DCTN1: variants seen among roughly 807,000 people sequenced by gnomAD.
DCTN1 encodes dynactin subunit 1, also known as 150 kDa dynein-associated polypeptide.
In DCTN1, 61 loss-of-function variants were observed where a neutral mutation model predicts 161.2. That is an observed-to-expected ratio of 0.38 (90% CI 0.31 to 0.47). The LOEUF is 0.47. DCTN1 is among the 20% of genes least tolerant of loss of function. DCTN1 has a pLI of 0.99. For synonymous variants in DCTN1, 653 were observed against 632.4 expected (o/e 1.03, Z -0.49); for missense variants, 1,404 against 1,623.7 (o/e 0.86, Z 2.33).
intron 26 of DCTN1, chr2:74,364,858 C>T (rs1228600946): frequency 1.6e-6 from 1 of 612,768 alleles, no homozygotes; most frequent in African/African-American, 1.8e-5. Flanking sequence ...GCCTCATTAA[C>T]AATTTAGTAA....
chr2:74,381,113 T>C (rs1183321870), upstream of DCTN1, among the ~76,000 whole-genome samples: 1 of 152,228 alleles, frequency 6.6e-6, no homozygotes, highest in East Asian at 1.9e-4. Flanking sequence ...ATAATTAGAA[T>C]TGTTTAATTT....
intron 5 of DCTN1, among the ~76,000 whole-genome samples, chr2:74,375,599 T>A (rs1342272611): frequency 6.6e-6 from 1 of 152,138 alleles, no homozygotes; most frequent in African/African-American, 2.4e-5. Flanking sequence ...CAGAACTCCA[T>A]AAATATCAGA....
rs774244089 is a variant in DCTN1 at position 74,362,975 on chromosome 2, G to A, written c.3529+19C>T. The A allele has an allele frequency of 1.9e-6, 3 of 1,608,888 alleles. No individual in the cohort carries two copies. In the African/African-American group the frequency reaches 4.0e-5, roughly 22 times the overall value. On this transcript the variant is annotated intron_variant, in intron 29 of 31. Transcript: ENST00000628224. Reference sequence around the variant, plus strand: ...GGAGGGGGCAGTTTTATTCATCTTGGGGGTTGGCAGGTACATACCAGGGCT... The same window carrying A: ...GGAGGGGGCAGTTTTATTCATCTTGAGGGTTGGCAGGTACATACCAGGGCT...
chr2:74,388,589 T>C lies in DCTN1; in HGVS notation c.-19+3205A>G, dbSNP rs565537126. ...CTTTCCTAAAGACTCTCCTGGCTTC[T>C]CCATGTGGAGCTAATCATTCCCTCC... On this transcript the variant is annotated intron_variant, in intron 1 of 27. Transcript: ENST00000409240. Among the ~76,000 whole-genome samples, 3 of 152,310 alleles carry C rather than the reference T, an allele frequency of 2.0e-5. No individual in the cohort carries two copies. In the South Asian group the frequency reaches 6.2e-4, roughly 32 times the overall value.
At position 74,365,984 on chromosome 2, in the gene DCTN1, C is replaced by G; in HGVS notation, c.2795G>C (p.Arg932Pro). The change falls in exon 24 of 32, where the codon CGT (arginine) becomes CCT (proline). Residue 932 changes from arginine (R) to proline (P), a missense_variant. Arg to Pro is a moderately radical substitution (Grantham distance 103, BLOSUM62 -2). This residue lies in a region of DCTN1 where 475 missense variants were observed against 489.8 expected (regional missense o/e 0.97). Transcript: ENST00000628224. ...GCCTTCAGCATCTGTGATCTCTGCACGAAGGGCAGCAGCCCGCAGTTCAAC... is the reference window on the plus strand; with the variant it reads ...GCCTTCAGCATCTGTGATCTCTGCAGGAAGGGCAGCAGCCCGCAGTTCAAC... ...PPVELRAAAL[R>P]AEITDAEGLG... 1 of 1,614,170 alleles carries G rather than the reference C, an allele frequency of 6.2e-7. No individual in the cohort carries two copies. Among genetic ancestry groups the G allele is most frequent in the South Asian group, 1.1e-5 (1 of 91,078 alleles).
chr2:74,364,886 A>G, intron 26 of DCTN1, 189 bp downstream of exon 26: 1 of 694,288 alleles, frequency 1.4e-6, no homozygotes. Context: ...CTTTGCCCAG[A>G]GAAACTCAGC....
chr2:74,374,715 C>G, intron 5 of DCTN1: 1 of 1,184,136 alleles, frequency 8.4e-7, no homozygotes, highest in Non-Finnish European at 1.1e-6. Context: ...CCCTCCTCTG[C>G]TCCATGGGGG....
At chr2:74,365,821 C>T (rs1399743502) in intron 24 of DCTN1, 72 bp downstream of exon 24, 33 of 1,613,564 alleles carry the variant, frequency 2.0e-5, no homozygotes, top group Non-Finnish European at 2.6e-5. Context: ...GGTCCCGATC[C>T]CCAACACTCA....
In DCTN1 at chr2:74,362,234, G is replaced by C; in HGVS notation, c.3610-93C>G. ...GGTTTCACAGAGACACTAATACCAG[G>C]GGGGCAGGGACTTAGTCCTCTATAT... is the stretch of plus-strand genomic sequence containing the variant. On this transcript the variant is annotated intron_variant, in intron 30 of 31. Transcript: ENST00000628224. The C allele has an allele frequency of 7.1e-6, 8 of 1,131,004 alleles. No homozygotes were observed. In the South Asian group the frequency reaches 8.9e-5, roughly 13 times the overall value. 70.1% of individuals were successfully genotyped at this position (1,131,004 alleles called of 1,614,324 possible).
Position 74,362,140 on chromosome 2 carries a change from T to C in DCTN1, c.3611A>G (p.Asp1204Gly), listed in dbSNP as rs1180149480. 1.2e-6 allele frequency: 2 copies of C among 1,613,404 alleles called. No homozygotes were observed. The highest frequency in any genetic ancestry group is 1.7e-6 in the Non-Finnish European group (2 of 1,179,674). ...SLSDTVEKLK[D>G]EVLKETVSQR... is the part of the protein sequence containing the mutation. ...AGATACTGTCTCCTTGAGGACCTCA[T>C]CCTAGGGAAGGGGAGAGGAAGACAA... The change falls in exon 31 of 32, where the codon GAT becomes GGT. Residue 1204 changes from aspartate (D) to glycine (G), a missense_variant and splice_region_variant. By Grantham distance (94) the Asp-to-Gly change is moderately conservative. Around this residue, in one of 9 missense-constraint regions of DCTN1, gnomAD observed 311 missense variants for 298.9 expected, o/e 1.04. Coordinates refer to ENST00000628224, the MANE Select transcript of DCTN1 (RefSeq NM_004082.5).
At chr2:74,390,693 G>C in intron 1 of DCTN1, 1 of 445,622 alleles carries the variant, frequency 2.2e-6, no homozygotes, top group South Asian at 1.6e-5. Context: ...CTCAGATTGT[G>C]TTCCATGGGC....
At position 74,371,424 on chromosome 2, in the gene DCTN1, T is replaced by C. The variant is rs909514668; in HGVS notation, c.645+113A>G. ...ATATCCATAGGCTATGTCCTCACCC[T>C]TTCTGATCCAAGTTCTAGGTCTTTG... On this transcript the variant is annotated intron_variant, in intron 8 of 31. Coordinates refer to ENST00000628224, the MANE Select transcript of DCTN1 (RefSeq NM_004082.5). 4 of 1,299,580 alleles carry C rather than the reference T, an allele frequency of 3.1e-6. No individual in the cohort carries two copies. In the African/African-American group the frequency reaches 5.9e-5, roughly 19 times the overall value. 80.5% of individuals were successfully genotyped at this position (1,299,580 alleles called of 1,614,324 possible).
intron 7 of DCTN1, 104 bp from the exon 8 acceptor site, chr2:74,371,832 A>T (rs1211594421): frequency 3.2e-6 from 3 of 940,588 alleles, no homozygotes; most frequent in African/African-American, 1.6e-5. Flanking sequence ...GGAGACAGAA[A>T]AGGGAAAAAG....
At chr2:74,380,913 G>A (rs552968147), upstream of DCTN1, among the ~76,000 whole-genome samples, 2 of 152,162 alleles carry the variant, frequency 1.3e-5, no homozygotes, top group Non-Finnish European at 2.9e-5. Context: ...AGACTCAACT[G>A]GATTACTAAA....
rs780488647 is a variant in DCTN1 at position 74,362,667 on chromosome 2, T to C, written c.3592A>G (p.Thr1198Ala). 3.7e-6 allele frequency: 6 copies of C among 1,613,978 alleles called. No individual in the cohort carries two copies. In the South Asian group the frequency reaches 6.6e-5, roughly 18 times the overall value. Residue 1198 changes from threonine (T) to alanine (A), a missense_variant, in exon 30 of 32, where the codon ACC becomes GCC. Thr to Ala is a moderately conservative substitution (Grantham distance 58). Around this residue, in one of 9 missense-constraint regions of DCTN1, gnomAD observed 311 missense variants for 298.9 expected, o/e 1.04. Transcript: ENST00000628224. ...GAGCTGACCTTGAGCTTCTCGACGG[T>C]GTCACTCAGGGACTTAAGCTGAGCC... ...QVAQLKSLSDTVEKLKDEVLK... is the reference protein window; with the variant it reads ...QVAQLKSLSDAVEKLKDEVLK...
At chr2:74,372,681 C>T (rs1309300204) in intron 7 of DCTN1, among the ~76,000 whole-genome samples, 1 of 152,214 alleles carries the variant, frequency 6.6e-6, no homozygotes, top group Non-Finnish European at 1.5e-5. Context: ...TTTGATTAAC[C>T]ACCACAACCC....
chr2:74,367,063 C>A lies in DCTN1; in HGVS notation c.2298G>T (p.Arg766=). Residue 766 remains arginine, a synonymous_variant, in exon 20 of 32, where the codon CGG becomes CGT. Transcript: ENST00000628224. The part of the protein sequence containing the change: ...ALDCMSVEVG[R]LRAFLQGGQE... The stretch of plus-strand genomic sequence containing the variant: ...TTCTCACCTGCAAGAAGGCACGCAG[C>A]CGTCCTACCTCCACACTCATGCAGT... 1 of 1,614,198 alleles carries A rather than the reference C, an allele frequency of 6.2e-7. No individual in the cohort carries two copies. Among genetic ancestry groups the A allele is most frequent in the South Asian group, 1.1e-5 (1 of 91,088 alleles).
At position 74,365,988 on chromosome 2, in the gene DCTN1, G is replaced by C; in HGVS notation, c.2791C>G (p.Leu931Val). The C allele has an allele frequency of 6.2e-7, 1 of 1,614,232 alleles. No homozygotes were observed. The highest frequency in any genetic ancestry group is 8.5e-7 in the Non-Finnish European group (1 of 1,180,044). Reference sequence around the variant, plus strand: ...TCAGCATCTGTGATCTCTGCACGAAGGGCAGCAGCCCGCAGTTCAACCGGT... The same window carrying C: ...TCAGCATCTGTGATCTCTGCACGAACGGCAGCAGCCCGCAGTTCAACCGGT... ...PPPVELRAAA[L>V]RAEITDAEGL... The change falls in exon 24 of 32, where the codon CTT becomes GTT. Residue 931 changes from leucine to valine, a missense_variant. Leu to Val is a conservative substitution (Grantham distance 32). Around this residue, in one of 9 missense-constraint regions of DCTN1, gnomAD observed 475 missense variants for 489.8 expected, o/e 0.97. Transcript: ENST00000628224.
In DCTN1 at chr2:74,362,142, C is replaced by T. The variant is rs1674048219; in HGVS notation, c.3610-1G>A. ...ATACTGTCTCCTTGAGGACCTCATC[C>T]TAGGGAAGGGGAGAGGAAGACAAGG... is the stretch of plus-strand genomic sequence containing the variant. On this transcript the variant is annotated splice_acceptor_variant, in intron 30 of 31. Coordinates refer to ENST00000628224, the MANE Select transcript of DCTN1 (RefSeq NM_004082.5). LOFTEE classifies it high-confidence loss of function. 6.2e-7 allele frequency: 1 copy of T among 1,613,432 alleles called. No homozygotes were observed. The highest frequency in any genetic ancestry group is 8.5e-7 in the Non-Finnish European group (1 of 1,179,642).
Sources: gnomAD v4.1 joint callset for allele counts (sites outside exome capture counted in the v4.1 genomes callset) on GRCh38, gnomAD v4.1.1 for gene constraint, gnomAD v4.1.1 regional missense constraint, MANE v1.5 for transcripts, NCBI Gene and HGNC (gene_info 2026-07-23, HGNC 2026-07-21) for gene names.